Variants in ETV6 observed in about 807,000 individuals in gnomAD.
The protein encoded by ETV6 is ETS variant transcription factor 6.
Under a neutral mutation model 51.1 loss-of-function variants are expected in ETV6, and 16 were observed. The ratio of observed to expected loss-of-function variants is 0.31; its 90% CI spans 0.21 to 0.48. The LOEUF (loss-of-function observed/expected upper bound fraction) is 0.48. Among genes scored for constraint, ETV6 ranks in the 20% least tolerant of loss-of-function variants. The pLI is 0.99. For synonymous variants in ETV6, 240 were observed against 224.1 expected (o/e 1.07, Z -0.64); for missense variants, 458 against 594.8 (o/e 0.77, Z 2.39).
intron 4 of ETV6, among the ~76,000 whole-genome samples, chr12:11,854,254 G>A (rs1236153845): frequency 3.3e-5 from 5 of 152,016 alleles, no homozygotes; most frequent in Non-Finnish European, 5.9e-5. Context: ...CTGACAGGAC[G>A]TGGGACTCAG....
rs375243028 is a variant in ETV6, at chr12:11,854,898, A to G, written c.463+1337A>G. On this transcript the variant is annotated intron_variant, in intron 4 of 7. Coordinates refer to ENST00000396373, the MANE Select transcript of ETV6 (RefSeq NM_001987.5). ...TGGCGGTGTTTATTTCAAGTGTCCC[A>G]GTTGTTCCTCTTAATCATTGGTAGA... 1.4e-4 allele frequency among the ~76,000 whole-genome samples: 21 copies of G among 152,314 alleles called. No individual in the cohort carries two copies. The South Asian group carries it at 4.3e-3, about 32-fold the overall frequency.
intron 2 of ETV6, among the ~76,000 whole-genome samples, chr12:11,828,080 TAAACTC>T (rs1946185616): frequency 6.6e-6 from 1 of 152,222 alleles, no homozygotes; most frequent in Admixed American, 6.5e-5. Context: ...TTTTTCTTCT[TAAACTC>T]AGGCTTCTTT....
chr12:11,759,377 T>C (rs985486121), intron 2 of ETV6, among the ~76,000 whole-genome samples: 2 of 152,098 alleles, frequency 1.3e-5, no homozygotes, highest in African/African-American at 4.8e-5. Context: ...TCCTCAGAGT[T>C]CTGAAGTAGA....
At chr12:11,732,430 G>C (rs1311409133) in intron 1 of ETV6, among the ~76,000 whole-genome samples, 1 of 152,134 alleles carries the variant, frequency 6.6e-6, no homozygotes, top group Non-Finnish European at 1.5e-5. Context: ...AAACTTACCA[G>C]GAGGAAAGAA....
At chr12:11,667,669 A>G (rs1276915402) in intron 1 of ETV6, among the ~76,000 whole-genome samples, 2 of 145,122 alleles carry the variant, frequency 1.4e-5, no homozygotes, top group Admixed American at 6.9e-5. Context: ...AGCTGAGGCT[A>G]CAGGTGTGTG....
intron 2 of ETV6, among the ~76,000 whole-genome samples, chr12:11,808,841 G>A (rs1011780361): frequency 1.3e-5 from 2 of 152,140 alleles, no homozygotes; most frequent in African/African-American, 4.8e-5. Context: ...GGATTTCAGG[G>A]AATTCATTGA....
chr12:11,742,468 GA>G (rs1033243094), intron 1 of ETV6, among the ~76,000 whole-genome samples: 1 of 152,120 alleles, frequency 6.6e-6, no homozygotes, highest in South Asian at 2.1e-4. Flanking sequence ...ATGACTTCTG[GA>G]AAAAATTTTT....
rs566410738 is a variant in ETV6, at chr12:11,710,293, G to A, written c.34-42157G>A. Among the ~76,000 whole-genome samples the A allele has an allele frequency of 5.9e-5, 9 of 151,816 alleles. No individual in the cohort carries two copies. In the South Asian group the frequency reaches 1.9e-3, roughly 32 times the overall value. On this transcript the variant is annotated intron_variant, in intron 1 of 7. Coordinates refer to ENST00000396373, the MANE Select transcript of ETV6 (RefSeq NM_001987.5). The stretch of plus-strand genomic sequence containing the variant: ...TGCACACTCATGTCTATGGTTTCCC[G>A]TACCTTCTCTGTGGAGCCCTGGTTC...
At chr12:11,699,097 T>C (rs1864929795) in intron 1 of ETV6, among the ~76,000 whole-genome samples, 1 of 152,238 alleles carries the variant, frequency 6.6e-6, no homozygotes, top group African/African-American at 2.4e-5. Context: ...TCCTGCAATA[T>C]TGCAAAGGGA....
chr12:11,716,286 ATG>A (rs1309583548), intron 1 of ETV6, among the ~76,000 whole-genome samples: 60 of 139,120 alleles, frequency 4.3e-4, no homozygotes, highest in African/African-American at 1.6e-3. Context: ...AGCGGAGATC[ATG>A]CCACTGCACT....
At chr12:11,682,696 T>C (rs748067304) in intron 1 of ETV6, among the ~76,000 whole-genome samples, 24 of 152,030 alleles carry the variant, frequency 1.6e-4, no homozygotes, top group Non-Finnish European at 2.4e-4. Context: ...TATGGTTTTA[T>C]AGGTTTTTAT....
At chr12:11,865,613 T>C (rs1486780204) in intron 4 of ETV6, among the ~76,000 whole-genome samples, 2 of 148,472 alleles carry the variant, frequency 1.3e-5, no homozygotes. Context: ...CGTAGGCTTA[T>C]ATATACTATG....
At chr12:11,738,254 T>C (rs1865744234) in intron 1 of ETV6, among the ~76,000 whole-genome samples, 1 of 147,550 alleles carries the variant, frequency 6.8e-6, no homozygotes, top group African/African-American at 2.5e-5. Context: ...CCTTCCCTCC[T>C]TCCTTCCTCT....
chr12:11,722,504 G>T (rs939559162), intron 1 of ETV6, among the ~76,000 whole-genome samples: 1 of 152,130 alleles, frequency 6.6e-6, no homozygotes, highest in Non-Finnish European at 1.5e-5. Flanking sequence ...GACATTTTGG[G>T]GCACTGCAGC....
intron 2 of ETV6, among the ~76,000 whole-genome samples, chr12:11,823,783 G>C (rs1351755767): frequency 6.6e-6 from 1 of 152,056 alleles, no homozygotes; most frequent in African/African-American, 2.4e-5. Flanking sequence ...CTTCTATTTC[G>C]ATGTTTCATC....
intron 2 of ETV6, among the ~76,000 whole-genome samples, chr12:11,805,299 G>T (rs1290347259): frequency 1.3e-5 from 2 of 152,138 alleles, no homozygotes; most frequent in Non-Finnish European, 2.9e-5. Context: ...CCAATTGTCC[G>T]TCTGTTCCAG....
chr12:11,830,276 T>G (rs533480145), intron 2 of ETV6, among the ~76,000 whole-genome samples: 2 of 152,346 alleles, frequency 1.3e-5, no homozygotes, highest in East Asian at 3.9e-4. Flanking sequence ...CCTCATTCCC[T>G]TAACATTTTT....
At chr12:11,854,951 C>T (rs1453736221) in intron 4 of ETV6, among the ~76,000 whole-genome samples, 1 of 152,002 alleles carries the variant, frequency 6.6e-6, no homozygotes, top group Non-Finnish European at 1.5e-5. Flanking sequence ...TTAATTTAGG[C>T]CCTGGACCTA....
At chr12:11,852,565 G>A (rs1946573278) in intron 3 of ETV6, among the ~76,000 whole-genome samples, 1 of 152,190 alleles carries the variant, frequency 6.6e-6, no homozygotes, top group Non-Finnish European at 1.5e-5. Flanking sequence ...TGTCATTGGA[G>A]CATTACAAAT....
Sources: gnomAD v4.1 joint callset for allele counts (sites outside exome capture counted in the v4.1 genomes callset) on GRCh38, gnomAD v4.1.1 for gene constraint, MANE v1.5 for transcripts, NCBI Gene and HGNC (gene_info 2026-07-23, HGNC 2026-07-21) for gene names.